Variants in CHSY3 observed in about 807,000 individuals in gnomAD.
CHSY3 encodes the protein chondroitin sulfate synthase 3, also known as N-acetylgalactosaminyl-proteoglycan 3-beta-glucuronosyltransferase 3.
Under a neutral mutation model 67.2 loss-of-function variants are expected in CHSY3, and 35 were observed. That is an observed-to-expected ratio of 0.52 (90% CI 0.40 to 0.69). The LOEUF (loss-of-function observed/expected upper bound fraction) is 0.69. Among genes scored for constraint, CHSY3 ranks in the 30% least tolerant of loss-of-function variants. The pLI is 0.00. For missense variants in CHSY3, 1,069 were observed against 1,138.5 expected (o/e 0.94, Z 0.88); for synonymous variants, 474 against 434.7 (o/e 1.09, Z -1.12).
intron 2 of CHSY3, among the ~76,000 whole-genome samples, chr5:130,029,947 A>C (rs1764659282): frequency 6.6e-6 from 1 of 152,202 alleles, no homozygotes. Context: ...TGTAAGAAGT[A>C]GTGGATTATA....
At chr5:130,035,838 C>A (rs1336270666) in intron 2 of CHSY3, among the ~76,000 whole-genome samples, 1 of 150,248 alleles carries the variant, frequency 6.7e-6, no homozygotes, top group Admixed American at 6.6e-5. Flanking sequence ...ACTGGCATTC[C>A]CAGGGTAATT....
At chr5:130,085,441 T>G (rs1766584953) in intron 2 of CHSY3, among the ~76,000 whole-genome samples, 1 of 151,964 alleles carries the variant, frequency 6.6e-6, no homozygotes. Context: ...GAACTTATTT[T>G]AAAGCACAGA....
At chr5:130,081,724 C>CG in intron 2 of CHSY3, among the ~76,000 whole-genome samples, 1 of 152,180 alleles carries the variant, frequency 6.6e-6, no homozygotes, top group African/African-American at 2.4e-5. Flanking sequence ...TTGCCTTCTA[C>CG]CATGTGAGAT....
At chr5:130,065,675 C>T (rs899084552) in intron 2 of CHSY3, among the ~76,000 whole-genome samples, 4 of 152,110 alleles carry the variant, frequency 2.6e-5, no homozygotes, top group African/African-American at 9.7e-5. Flanking sequence ...TAAGATAGCA[C>T]TACTGTGTCA....
intron 2 of CHSY3, among the ~76,000 whole-genome samples, chr5:130,111,243 T>G (rs960220519): frequency 1.6e-4 from 24 of 152,040 alleles, no homozygotes; most frequent in Non-Finnish European, 2.6e-4. Context: ...AATCCTCACA[T>G]GCCAATAATC....
chr5:130,016,511 A>C (rs955058177), intron 2 of CHSY3, among the ~76,000 whole-genome samples: 2 of 134,258 alleles, frequency 1.5e-5, no homozygotes, highest in African/African-American at 5.2e-5. Context: ...TCCAGGGTTC[A>C]AGTGATTCTA....
rs141895297 is a variant in CHSY3, at chr5:130,101,644, G to T, written c.1087-82585G>T. Among the ~76,000 whole-genome samples, 1,186 of 152,060 alleles carry T rather than the reference G, an allele frequency of 7.8e-3. 14 individuals are homozygous for T. The highest frequency in any genetic ancestry group is 0.026 in the African/African-American group (1,094 of 41,486). On this transcript the variant is annotated intron_variant, in intron 2 of 2. Transcript: ENST00000305031. ...GCAATTTTCAGGTATACAATATATT[G>T]TTATTAACTATAGTCACCATGTTAT...
intron 2 of CHSY3, among the ~76,000 whole-genome samples, chr5:129,930,682 G>T (rs1022710447): frequency 6.6e-6 from 1 of 151,942 alleles, no homozygotes; most frequent in African/African-American, 2.4e-5. Context: ...GAGGAAACCC[G>T]AGACCCTTAC....
intron 2 of CHSY3, among the ~76,000 whole-genome samples, chr5:129,980,759 A>G (rs1762956727): frequency 6.6e-6 from 1 of 152,130 alleles, no homozygotes; most frequent in Non-Finnish European, 1.5e-5. Flanking sequence ...TGTGTTTTAC[A>G]TGGAATTCTA....
At chr5:129,927,804 A>AT (rs1191488967) in intron 2 of CHSY3, among the ~76,000 whole-genome samples, 2 of 151,990 alleles carry the variant, frequency 1.3e-5, no homozygotes, top group East Asian at 1.9e-4. Flanking sequence ...TTACAGGAAC[A>AT]TTTTTTTAAA....
chr5:130,023,826 C>T (rs115687176), intron 2 of CHSY3, among the ~76,000 whole-genome samples: 3,264 of 151,774 alleles, frequency 0.022, 112 homozygotes, highest in African/African-American at 0.072. Context: ...ATGAGTAAGA[C>T]GGTTTAGCCT....
chr5:129,965,705 G>A (rs773682489), intron 2 of CHSY3, among the ~76,000 whole-genome samples: 1 of 152,022 alleles, frequency 6.6e-6, no homozygotes, highest in South Asian at 2.1e-4. Context: ...AAGGGTAATT[G>A]TCTTTTCACA....
intron 2 of CHSY3, among the ~76,000 whole-genome samples, chr5:130,051,042 G>GC (rs1451178122): frequency 1.3e-5 from 2 of 152,044 alleles, no homozygotes; most frequent in Non-Finnish European, 2.9e-5. Context: ...AAGCTATAAA[G>GC]TATTATTTGA....
At chr5:130,038,963 A>T (rs1025083359) in intron 2 of CHSY3, among the ~76,000 whole-genome samples, 1 of 152,142 alleles carries the variant, frequency 6.6e-6, no homozygotes, top group African/African-American at 2.4e-5. Flanking sequence ...CAGAAGCACC[A>T]CTGAAAGAAA....
In CHSY3 at chr5:130,001,843, G is replaced by T. The variant is rs1055797624; in HGVS notation, c.1086+93483G>T. ...TCTATTTTCCTGTAACTGACATTCA[G>T]AAATTTAACCCACTAATATAATCCT... is the stretch of plus-strand genomic sequence containing the variant. On this transcript the variant is annotated intron_variant, in intron 2 of 2. Transcript: ENST00000305031. The T allele has an allele frequency of 3.4e-6, 3 of 885,184 alleles. No individual in the cohort carries two copies. The African/African-American group carries it at 5.4e-5, about 16-fold the overall frequency. 54.8% of individuals were successfully genotyped at this position (885,184 alleles called of 1,614,324 possible). A position where few individuals can be genotyped will look rare whatever the true frequency, so the allele number is the denominator to read the frequency against.
chr5:129,982,819 CTTG>C (rs1763059923), intron 2 of CHSY3, among the ~76,000 whole-genome samples: 1 of 151,954 alleles, frequency 6.6e-6, no homozygotes, highest in Non-Finnish European at 1.5e-5. Context: ...GTTTATTTCA[CTTG>C]TTAATTATGT....
chr5:129,930,311 C>T (rs1308918951), intron 2 of CHSY3, among the ~76,000 whole-genome samples: 1 of 146,024 alleles, frequency 6.8e-6, no homozygotes, highest in Non-Finnish European at 1.5e-5. Flanking sequence ...ACAGCCTGAG[C>T]AGCAGAACCA....
In CHSY3 at chr5:129,904,702, C is replaced by A; in HGVS notation, c.-128C>A. 2 of 1,213,722 alleles carry A rather than the reference C, an allele frequency of 1.6e-6. No homozygotes were observed. The highest frequency in any genetic ancestry group is 8.7e-5 in the Admixed American group (2 of 23,026). The allele number at this position is 1,213,722 out of a possible 1,614,324, so 75.2% of individuals were successfully genotyped here. ...CGGCGCTTCGACCTCCAGCCGGTGT[C>A]GGCGCCTAGGCGGCCGGCTGCGGCC... is the stretch of plus-strand genomic sequence containing the variant. On this transcript the variant is annotated 5_prime_UTR_variant, in exon 1 of 3. Transcript: ENST00000305031.
At chr5:129,937,563 C>A (rs1238523788) in intron 2 of CHSY3, among the ~76,000 whole-genome samples, 1 of 152,078 alleles carries the variant, frequency 6.6e-6, no homozygotes, top group East Asian at 1.9e-4. Flanking sequence ...AGTCTTAACT[C>A]ACTCCAGCAT....
Sources: gnomAD v4.1 joint callset for allele counts (sites outside exome capture counted in the v4.1 genomes callset) on GRCh38, gnomAD v4.1.1 for gene constraint, MANE v1.5 for transcripts, NCBI Gene and HGNC (gene_info 2026-07-23, HGNC 2026-07-21) for gene names.